The following RAB6A variants were observed in gnomAD, a reference collection of about 807,000 sequenced individuals.
RAB6A encodes the protein ras-related protein Rab-6A.
In RAB6A, 8 loss-of-function variants were observed where a neutral mutation model predicts 32.3. The observed-to-expected ratio is 0.25, with a 90% CI of 0.15 to 0.45. The LOEUF (loss-of-function observed/expected upper bound fraction) is 0.45, where lower values mean the gene tolerates loss of function less well. Ranked by LOEUF, RAB6A falls within the 20% of genes least tolerant of loss-of-function variation. The pLI is 1.00. For synonymous variants in RAB6A, 73 were observed against 82.1 expected, an observed-to-expected ratio of 0.89 and a Z score of 0.60; for missense variants, 104 against 249.4, an observed-to-expected ratio of 0.42 and a Z score of 3.93.
intron 1 of RAB6A, among the ~76,000 whole-genome samples, chr11:73,757,804 T>C (rs1946784275): frequency 6.6e-6 from 1 of 152,174 alleles, no homozygotes; most frequent in South Asian, 2.1e-4. Flanking sequence ...GAGTGTAACA[T>C]AGGCTACTAG....
At chr11:73,735,824 T>A (rs1946383558) in intron 1 of RAB6A, among the ~76,000 whole-genome samples, 1 of 151,498 alleles carries the variant, frequency 6.6e-6, no homozygotes, top group Admixed American at 6.6e-5. Flanking sequence ...CTTACAGGAT[T>A]TTGCTGCTAA....
chr11:73,684,319 C>T (rs1945407301), intron 6 of RAB6A, among the ~76,000 whole-genome samples: 1 of 152,102 alleles, frequency 6.6e-6, no homozygotes, highest in African/African-American at 2.4e-5. Flanking sequence ...CAGGCATCGG[C>T]CACCACATCT....
At chr11:73,739,280 A>ATACATATAT (rs1389085059) in intron 1 of RAB6A, among the ~76,000 whole-genome samples, 6 of 18,422 alleles carry the variant, frequency 3.3e-4, no homozygotes, top group African/African-American at 7.1e-4. Flanking sequence ...AAAAAAAAAA[A>ATACATATAT]AAAAATATAT....
chr11:73,727,450 T>C (rs897655275), intron 2 of RAB6A, among the ~76,000 whole-genome samples: 2 of 151,948 alleles, frequency 1.3e-5, no homozygotes, highest in African/African-American at 4.8e-5. Flanking sequence ...AAAGAACTTT[T>C]TTTTCCCCCA....
At chr11:73,682,779 T>G (rs1461826294) in intron 6 of RAB6A, among the ~76,000 whole-genome samples, 1 of 152,180 alleles carries the variant, frequency 6.6e-6, no homozygotes, top group Non-Finnish European at 1.5e-5. Flanking sequence ...TCCTCCCACC[T>G]TGGCATTCCA....
In RAB6A at chr11:73,701,814, G is replaced by GT. The variant is rs371174818; in HGVS notation, c.495+5605dup. Among the ~76,000 whole-genome samples, 65 of 151,998 alleles carry GT rather than the reference G, an allele frequency of 4.3e-4. 1 individual carries two copies. The highest frequency in any genetic ancestry group is 2.0e-3 in the Admixed American group (30 of 15,246). On this transcript the variant is annotated intron_variant, in intron 6 of 7. Coordinates refer to ENST00000336083, the MANE Select transcript of RAB6A (RefSeq NM_198896.2). ...ACTACCACGCTGGGTTAATTTCTGT[G>GT]TTTTTTTGTAGAGACAGGGTTTCGT... is the stretch of plus-strand genomic sequence containing the variant.
At chr11:73,718,177 G>A (rs527285487) in intron 4 of RAB6A, among the ~76,000 whole-genome samples, 62 of 152,292 alleles carry the variant, frequency 4.1e-4, no homozygotes, top group South Asian at 8.3e-4. Flanking sequence ...AGAATGGCTG[G>A]AAGGGGAAAG....
At chr11:73,755,419 G>A (rs1422182631) in intron 1 of RAB6A, among the ~76,000 whole-genome samples, 2 of 151,636 alleles carry the variant, frequency 1.3e-5, no homozygotes, top group African/African-American at 4.8e-5. Context: ...TCAGCCTCCC[G>A]AAGAGCTGGG....
chr11:73,686,639 T>C (rs918027205), intron 6 of RAB6A, among the ~76,000 whole-genome samples: 1 of 152,142 alleles, frequency 6.6e-6, no homozygotes, highest in Non-Finnish European at 1.5e-5. Context: ...TAGGAAAGGT[T>C]TGGCTACTTT....
At chr11:73,755,265 T>G (rs1946728995) in intron 1 of RAB6A, among the ~76,000 whole-genome samples, 1 of 151,340 alleles carries the variant, frequency 6.6e-6, no homozygotes, top group South Asian at 2.1e-4. Flanking sequence ...ATTTTGAAAT[T>G]TTCTTTTTCA....
At chr11:73,716,889 A>G (rs747139912) in intron 4 of RAB6A, among the ~76,000 whole-genome samples, 1 of 152,238 alleles carries the variant, frequency 6.6e-6, no homozygotes, top group Non-Finnish European at 1.5e-5. Context: ...AATGCATCAG[A>G]AACACTTGTA....
At chr11:73,756,667 T>C (rs1435619593) in intron 1 of RAB6A, among the ~76,000 whole-genome samples, 2 of 152,130 alleles carry the variant, frequency 1.3e-5, no homozygotes, top group African/African-American at 2.4e-5. Flanking sequence ...CAATTGTGTA[T>C]TTCAACATTC....
intron 5 of RAB6A, among the ~76,000 whole-genome samples, chr11:73,712,728 CTT>C (rs57665830): frequency 3.5e-5 from 5 of 142,750 alleles, no homozygotes; most frequent in Admixed American, 7.0e-5. Flanking sequence ...ATTATAGAGG[CTT>C]TTTTTTTTTT....
chr11:73,738,923 AAC>A (rs1230738500), intron 1 of RAB6A, among the ~76,000 whole-genome samples: 1 of 151,706 alleles, frequency 6.6e-6, no homozygotes, highest in East Asian at 2.0e-4. Context: ...CAGCTTGGGC[AAC>A]AGAGTGAGAC....
At chr11:73,701,121 T>G (rs1339547589) in intron 6 of RAB6A, among the ~76,000 whole-genome samples, 1 of 152,136 alleles carries the variant, frequency 6.6e-6, no homozygotes, top group Admixed American at 6.5e-5. Context: ...AGGAATCCAG[T>G]TAGATTAGCA....
chr11:73,687,274 C>T (rs1945474309), intron 6 of RAB6A, among the ~76,000 whole-genome samples: 1 of 152,026 alleles, frequency 6.6e-6, no homozygotes, highest in African/African-American at 2.4e-5. Context: ...GTCAATTTTA[C>T]AAGAATGAAA....
At chr11:73,716,160 T>C (rs1946048677) in intron 5 of RAB6A, 91 bp downstream of exon 5, 1 of 970,134 alleles carries the variant, frequency 1.0e-6, no homozygotes, top group Non-Finnish European at 1.6e-6. Context: ...GGATTAAGCA[T>C]GTCTCCTTTC....
At chr11:73,700,609 T>TGGGGGGGGGGGGGGG (rs59223959) in intron 6 of RAB6A, among the ~76,000 whole-genome samples, 2 of 28,620 alleles carry the variant, frequency 7.0e-5, no homozygotes, top group Non-Finnish European at 1.1e-4. Flanking sequence ...AGTGTGTGTG[T>TGGGGGGGGGGGGGGG]GGGGGGGGGG....
At chr11:73,738,952 A>AAAACTAAACT (rs527361465) in intron 1 of RAB6A, among the ~76,000 whole-genome samples, 10 of 151,418 alleles carry the variant, frequency 6.6e-5, no homozygotes, top group African/African-American at 2.4e-4. Flanking sequence ...CTCAAAAAAC[A>AAAACTAAACT]AAACTAAACT....
Sources: gnomAD v4.1 joint callset for allele counts (sites outside exome capture counted in the v4.1 genomes callset) on GRCh38, gnomAD v4.1.1 for gene constraint, MANE v1.5 for transcripts, NCBI Gene and HGNC (gene_info 2026-07-23, HGNC 2026-07-21) for gene names.